HECTD2: variants seen among roughly 807,000 people sequenced by gnomAD.
The protein encoded by HECTD2 is probable E3 ubiquitin-protein ligase HECTD2.
A neutral mutation model predicts 103.2 loss-of-function variants in HECTD2; 35 were observed. That is an observed-to-expected ratio of 0.34 (90% confidence interval 0.26 to 0.45). HECTD2 has a LOEUF of 0.45. HECTD2 is among the 20% of genes least tolerant of loss of function. The probability of loss-of-function intolerance (pLI) is 1.00; values close to 1 mark genes in which losing one functional copy is unlikely to be tolerated. For missense variants in HECTD2, 596 were observed against 937.4 expected (o/e 0.64, Z 4.76); for synonymous variants, 281 against 329.9 (o/e 0.85, Z 1.61).
intron 2 of HECTD2, among the ~76,000 whole-genome samples, chr10:91,450,284 C>T (rs1248101688): frequency 1.3e-5 from 2 of 152,150 alleles, no homozygotes; most frequent in Admixed American, 6.6e-5. Context: ...AAAGGATTCC[C>T]TATTTAATAA....
chr10:91,469,133 T>C (rs373515674), intron 5 of HECTD2, among the ~76,000 whole-genome samples: 1 of 152,096 alleles, frequency 6.6e-6, no homozygotes, highest in African/African-American at 2.4e-5. Flanking sequence ...CTACAACTCA[T>C]TGACATCTCA....
intron 1 of HECTD2, among the ~76,000 whole-genome samples, chr10:91,418,434 G>A (rs181402548): frequency 7.2e-5 from 11 of 152,150 alleles, no homozygotes; most frequent in Non-Finnish European, 1.0e-4. Context: ...GATCAATTGC[G>A]TTGATTTTTT....
intron 8 of HECTD2, chr10:91,484,265 T>C: frequency 1.1e-6 from 1 of 920,952 alleles, no homozygotes; most frequent in East Asian, 2.7e-5. Context: ...AGACTGAATA[T>C]TGAAAGTCTT....
At chr10:91,499,321 T>G (rs1014701142) in intron 18 of HECTD2, among the ~76,000 whole-genome samples, 171 bp downstream of exon 18, 15 of 152,124 alleles carry the variant, frequency 9.9e-5, no homozygotes, top group African/African-American at 3.1e-4. Context: ...TCTTAATTCT[T>G]TAGAGGGGAA....
intron 5 of HECTD2, among the ~76,000 whole-genome samples, chr10:91,474,217 A>C (rs563589000): frequency 1.3e-5 from 2 of 152,212 alleles, no homozygotes; most frequent in Non-Finnish European, 2.9e-5. Flanking sequence ...TGGGAAAAAG[A>C]AGCATTAAAA....
At position 91,485,319 on chromosome 10, in the gene HECTD2, C is replaced by T; in HGVS notation, c.1094+16C>T. 1 of 1,569,340 alleles carries T rather than the reference C, an allele frequency of 6.4e-7. No individual in the cohort carries two copies. The highest frequency in any genetic ancestry group is 1.4e-5 in the African/African-American group (1 of 72,174). On this transcript the variant is annotated intron_variant, in intron 10 of 20. Transcript: ENST00000298068. ...ACTCTCACAGGTATGAACAAAAGTT[C>T]CTTTGATTATCCACCTAAATGAAAT...
intron 18 of HECTD2, among the ~76,000 whole-genome samples, chr10:91,500,296 T>C (rs1390759653): frequency 2.0e-5 from 3 of 152,210 alleles, no homozygotes; most frequent in Non-Finnish European, 4.4e-5. Context: ...GGCTAATTAC[T>C]ATTTACAAGA....
At chr10:91,410,877 C>A (rs1392703303) in intron 1 of HECTD2, among the ~76,000 whole-genome samples, 6 of 152,220 alleles carry the variant, frequency 3.9e-5, no homozygotes, top group African/African-American at 1.4e-4. Context: ...GAATGACCTG[C>A]ATCTTGAGTC....
chr10:91,474,261 A>G (rs907623443), intron 5 of HECTD2, among the ~76,000 whole-genome samples: 2 of 152,232 alleles, frequency 1.3e-5, no homozygotes, highest in Middle Eastern at 3.2e-3. Context: ...ATAAGATTGC[A>G]GAAACAAGTC....
At chr10:91,421,842 A>G (rs527586082) in intron 1 of HECTD2, among the ~76,000 whole-genome samples, 4 of 152,152 alleles carry the variant, frequency 2.6e-5, no homozygotes, top group African/African-American at 4.8e-5. Context: ...AGCATTTTAC[A>G]TTGTTTATTT....
At chr10:91,478,120 CAG>C in intron 5 of HECTD2, 79 bp from the exon 6 acceptor site, 1 of 909,316 alleles carries the variant, frequency 1.1e-6, no homozygotes, top group Non-Finnish European at 1.8e-6. Context: ...ACTATTGAAA[CAG>C]ATCTGTAAAT....
chr10:91,451,988 A>G (rs1043122236), intron 2 of HECTD2, among the ~76,000 whole-genome samples: 3 of 152,158 alleles, frequency 2.0e-5, no homozygotes, highest in Non-Finnish European at 4.4e-5. Context: ...TACTTGAGAA[A>G]ATACAACAAT....
At chr10:91,417,814 C>T (rs567001204) in intron 1 of HECTD2, among the ~76,000 whole-genome samples, 5 of 151,990 alleles carry the variant, frequency 3.3e-5, no homozygotes, top group South Asian at 4.2e-4. Flanking sequence ...TGAATAGTGC[C>T]GCAATAAACA....
chr10:91,488,524 A>C (rs577932052), intron 11 of HECTD2: 2 of 152,130 alleles, frequency 1.3e-5, no homozygotes, highest in Non-Finnish European at 2.9e-5. Context: ...GTGTTACATG[A>C]TTGCTCACAA....
intron 4 of HECTD2, 107 bp from the exon 5 acceptor site, chr10:91,461,988 T>A (rs1375704095): frequency 8.5e-6 from 7 of 821,560 alleles, no homozygotes; most frequent in Non-Finnish European, 1.3e-5. Flanking sequence ...TTTTTTATTA[T>A]CAGACTAAAA....
At chr10:91,467,616 C>A (rs1317511621) in intron 5 of HECTD2, among the ~76,000 whole-genome samples, 3 of 152,142 alleles carry the variant, frequency 2.0e-5, no homozygotes, top group Non-Finnish European at 2.9e-5. Context: ...TGGCCCCCAC[C>A]AGCACACACC....
chr10:91,410,756 C>G (rs942622623), intron 1 of HECTD2, among the ~76,000 whole-genome samples, 180 bp downstream of exon 1: 6 of 152,188 alleles, frequency 3.9e-5, no homozygotes, highest in African/African-American at 1.4e-4. Context: ...CGTGGACAGC[C>G]CCGAACACTT....
At chr10:91,508,321 C>G (rs1847277220) in intron 20 of HECTD2, among the ~76,000 whole-genome samples, 1 of 145,650 alleles carries the variant, frequency 6.9e-6, no homozygotes, top group Non-Finnish European at 1.5e-5. Flanking sequence ...AAACTACCAT[C>G]AGAGTGAACA....
chr10:91,436,463 T>C (rs1429203747), intron 2 of HECTD2, among the ~76,000 whole-genome samples: 2 of 152,008 alleles, frequency 1.3e-5, no homozygotes, highest in Non-Finnish European at 2.9e-5. Flanking sequence ...TGGGAGTCTC[T>C]CTTGATTGGT....
Sources: allele counts gnomAD v4.1 joint callset (sites outside exome capture counted in the v4.1 genomes callset), GRCh38; gene constraint gnomAD v4.1.1; transcripts MANE v1.5; gene names NCBI Gene and HGNC (gene_info 2026-07-23, HGNC 2026-07-21).